Variants in RBFOX1 observed in about 807,000 individuals in gnomAD.
RBFOX1 encodes RNA binding protein fox-1 homolog 1.
RBFOX1 carries 8 observed loss-of-function variants against 57.7 expected under a neutral mutation model. That is an observed-to-expected ratio of 0.14 (90% CI 0.08 to 0.25). The LOEUF (loss-of-function observed/expected upper bound fraction) is 0.25. RBFOX1 is among the 10% of genes least tolerant of loss of function. The probability of loss-of-function intolerance (pLI) is 1.00; values close to 1 mark genes in which losing one functional copy is unlikely to be tolerated. For missense variants in RBFOX1, 611 were observed against 548.5 expected, an observed-to-expected ratio of 1.11 and a Z score of -1.14; for synonymous variants, 326 against 222.4, an observed-to-expected ratio of 1.47 and a Z score of -4.15.
intron 3 of RBFOX1, among the ~76,000 whole-genome samples, chr16:6,782,031 G>A (rs531255613): frequency 2.6e-5 from 4 of 151,938 alleles, no homozygotes; most frequent in South Asian, 4.2e-4. Context: ...TTTTTTATAC[G>A]GAGCCTTGCT....
intron 2 of RBFOX1, among the ~76,000 whole-genome samples, chr16:6,515,202 C>T (rs1299360407): frequency 6.6e-6 from 1 of 152,188 alleles, no homozygotes; most frequent in Non-Finnish European, 1.5e-5. Context: ...TATACAAGAT[C>T]AGTGATTTCA....
chr16:7,544,149 C>G (rs2083766970), intron 5 of RBFOX1, among the ~76,000 whole-genome samples: 1 of 152,214 alleles, frequency 6.6e-6, no homozygotes, highest in Non-Finnish European at 1.5e-5. Flanking sequence ...ACGCTTACTC[C>G]TAAAGACTGG....
intron 4 of RBFOX1, among the ~76,000 whole-genome samples, chr16:5,975,236 C>G (rs1316956402): frequency 6.6e-6 from 1 of 152,166 alleles, no homozygotes; most frequent in Non-Finnish European, 1.5e-5. Context: ...AAATCGATCT[C>G]TACTTTCTAA....
chr16:7,205,535 GAAA>G (rs150088415), intron 4 of RBFOX1, among the ~76,000 whole-genome samples: 4 of 149,304 alleles, frequency 2.7e-5, no homozygotes, highest in Admixed American at 2.7e-4. Context: ...AAAAGAAAAA[GAAA>G]AAAAAGAAAA....
chr16:5,601,206 G>C (rs1352363739), downstream of RBFOX1: 1 of 152,330 alleles, frequency 6.6e-6, no homozygotes, highest in Non-Finnish European at 1.5e-5. Context: ...TGGTTTGCTT[G>C]GTGGTCTGGC....
chr16:6,581,071 T>C (rs1448342709), intron 2 of RBFOX1, among the ~76,000 whole-genome samples: 1 of 152,198 alleles, frequency 6.6e-6, no homozygotes, highest in Non-Finnish European at 1.5e-5. Flanking sequence ...TTCTTTTCCC[T>C]TCTCCTTTTT....
At chr16:5,760,048 G>A (rs1345100840) in intron 3 of RBFOX1, among the ~76,000 whole-genome samples, 1 of 151,246 alleles carries the variant, frequency 6.6e-6, no homozygotes, top group Non-Finnish European at 1.5e-5. Context: ...TCAATATGCT[G>A]AGATGTTTTG....
At chr16:7,430,528 G>C (rs904520034) in intron 4 of RBFOX1, among the ~76,000 whole-genome samples, 1 of 152,078 alleles carries the variant, frequency 6.6e-6, no homozygotes, top group Non-Finnish European at 1.5e-5. Flanking sequence ...CAGCCGTGGT[G>C]GCACGTGCCT....
chr16:7,125,299 G>T (rs969136436), intron 4 of RBFOX1, among the ~76,000 whole-genome samples: 5 of 152,088 alleles, frequency 3.3e-5, no homozygotes, highest in African/African-American at 9.7e-5. Context: ...TGTGCAGTGG[G>T]CATAGAAATC....
chr16:7,628,442 G>A (rs1378355147), intron 10 of RBFOX1, among the ~76,000 whole-genome samples: 1 of 152,122 alleles, frequency 6.6e-6, no homozygotes, highest in African/African-American at 2.4e-5. Context: ...TGACTGTAGA[G>A]GGGACTAACT....
intron 2 of RBFOX1, among the ~76,000 whole-genome samples, chr16:6,407,806 C>T (rs1423746829): frequency 2.0e-5 from 3 of 152,130 alleles, no homozygotes; most frequent in African/African-American, 7.2e-5. Flanking sequence ...AACACTAAAT[C>T]ACCAATCCTC....
chr16:6,675,971 G>C (rs1042432075), intron 3 of RBFOX1, among the ~76,000 whole-genome samples: 4 of 152,108 alleles, frequency 2.6e-5, no homozygotes, highest in Non-Finnish European at 5.9e-5. Context: ...ACAAGCGTCA[G>C]CTTTACGTGG....
At chr16:5,468,568 C>T (rs1314503929) in intron 2 of RBFOX1, among the ~76,000 whole-genome samples, 1 of 152,218 alleles carries the variant, frequency 6.6e-6, no homozygotes, top group Admixed American at 6.5e-5. Flanking sequence ...CCCCAAATTG[C>T]TGAGAACAGG....
At chr16:6,949,585 T>C (rs933115157) in intron 3 of RBFOX1, among the ~76,000 whole-genome samples, 1 of 152,178 alleles carries the variant, frequency 6.6e-6, no homozygotes, top group African/African-American at 2.4e-5. Flanking sequence ...TGGCCTTTTT[T>C]TTTGTGCCTA....
At chr16:7,210,212 T>G (rs1046741759) in intron 4 of RBFOX1, among the ~76,000 whole-genome samples, 5 of 152,184 alleles carry the variant, frequency 3.3e-5, no homozygotes, top group African/African-American at 1.2e-4. Context: ...AATAGGATAC[T>G]TCTATAGGTT....
In RBFOX1 at chr16:6,973,679, A is replaced by T. The variant is rs193022153; in HGVS notation, c.-15-78378A>T. 2.1e-3 allele frequency among the ~76,000 whole-genome samples: 315 copies of T among 152,176 alleles called. 1 individual carries two copies. Among genetic ancestry groups the T allele is most frequent in the Non-Finnish European group, 3.2e-3 (219 of 67,998 alleles). ...TGACTGAAAAATAAACCCATTTGGG[A>T]TTTTTCGAGTAAAGTGTGTTGAATC... On this transcript the variant is annotated intron_variant, in intron 3 of 15. Transcript: ENST00000550418.
chr16:6,272,200 C>G (rs1229368955), intron 1 of RBFOX1, among the ~76,000 whole-genome samples: 4 of 152,128 alleles, frequency 2.6e-5, no homozygotes. Context: ...AAATCATTCA[C>G]CGAATCTTAT....
intron 4 of RBFOX1, among the ~76,000 whole-genome samples, chr16:7,101,749 C>G (rs1027691206): frequency 1.3e-5 from 2 of 152,094 alleles, no homozygotes; most frequent in Non-Finnish European, 2.9e-5. Context: ...ACAGGTTCTG[C>G]TCTGATGCCT....
At chr16:5,480,548 G>T (rs1321515461) in intron 2 of RBFOX1, among the ~76,000 whole-genome samples, 1 of 152,210 alleles carries the variant, frequency 6.6e-6, no homozygotes, top group Non-Finnish European at 1.5e-5. Flanking sequence ...GATGCACAAT[G>T]CCCTGTTCGC....
Sources: allele counts gnomAD v4.1 joint callset (sites outside exome capture counted in the v4.1 genomes callset), GRCh38; gene constraint gnomAD v4.1.1; transcripts MANE v1.5; gene names NCBI Gene and HGNC (gene_info 2026-07-23, HGNC 2026-07-21).